RASA3: variants seen among roughly 807,000 people sequenced by gnomAD.
RASA3 encodes RAS p21 protein activator 3.
RASA3 carries 73 observed loss-of-function variants against 110.0 expected under a neutral mutation model. The observed-to-expected ratio is 0.66, with a 90% CI of 0.55 to 0.81. RASA3 has a LOEUF of 0.81. RASA3 is among the 30% of genes least tolerant of loss of function. The pLI, the probability that RASA3 is intolerant of heterozygous loss-of-function variation, is 0.00. For synonymous variants in RASA3, 500 were observed against 451.4 expected, an observed-to-expected ratio of 1.11 and a Z score of -1.37; for missense variants, 976 against 1,113.2, an observed-to-expected ratio of 0.88 and a Z score of 1.75.
At position 114,011,258 on chromosome 13, in the gene RASA3, C is replaced by T. The variant is rs191717505; in HGVS notation, c.1513-10G>A. 8.1e-6 allele frequency: 13 copies of T among 1,609,188 alleles called. No homozygotes were observed. Among genetic ancestry groups the T allele is most frequent in the African/African-American group, 2.7e-5 (2 of 74,900 alleles). On this transcript the variant is annotated splice_polypyrimidine_tract_variant and intron_variant, in intron 15 of 23. Coordinates refer to ENST00000334062, the MANE Select transcript of RASA3 (RefSeq NM_007368.4). This position sits in a 1 kb window ranked among gnomAD's most constrained non-coding sequence, Gnocchi z 4.8. ...TGGACGTCTGGGGGTCCTGGGGAGG[C>T]GGGAGCAAGAAAGGTCTATGTCAGC... is the stretch of plus-strand genomic sequence containing the variant.
rs1188428134 is a variant in RASA3 at position 114,014,004 on chromosome 13, GTC to G, written c.1406-758_1406-757del. ...TCTCTCTCTCCATCTCTCTCCGTCTGTCTCTGTCTCTCTCCATCTCTCTCTCT... is the reference window on the plus strand; with the variant it reads ...TCTCTCTCTCCATCTCTCTCCGTCTGTCTGTCTCTCTCCATCTCTCTCTCT... On this transcript the variant is annotated intron_variant, in intron 14 of 23. Coordinates refer to ENST00000334062, the MANE Select transcript of RASA3 (RefSeq NM_007368.4). This position sits in a 1 kb window ranked among gnomAD's most constrained non-coding sequence, Gnocchi z 4.5. Among the ~76,000 whole-genome samples, 20 of 86,508 alleles carry G rather than the reference GTC, an allele frequency of 2.3e-4. No homozygotes were observed. The South Asian group carries it at 2.5e-3, about 11-fold the overall frequency. 56.8% of individuals were successfully genotyped at this position (86,508 alleles called of 152,430 possible).
intron 2 of RASA3, among the ~76,000 whole-genome samples, chr13:114,054,841 G>C (rs551618262): frequency 2.0e-5 from 3 of 152,264 alleles, no homozygotes; most frequent in African/African-American, 4.8e-5. Flanking sequence ...ACACATTCTC[G>C]CGTTGGTCGT....
At chr13:114,097,139 C>T (rs2079957116) in intron 1 of RASA3, among the ~76,000 whole-genome samples, 1 of 152,338 alleles carries the variant, frequency 6.6e-6, no homozygotes, top group South Asian at 2.1e-4. Context: ...CTGAACCGAG[C>T]AGTTCTCCGC....
intron 2 of RASA3, among the ~76,000 whole-genome samples, chr13:114,062,134 G>C (rs536554388): frequency 6.6e-6 from 1 of 151,626 alleles, no homozygotes; most frequent in African/African-American, 2.4e-5. Flanking sequence ...GATTTTCCAC[G>C]ATGAGTTGAT....
At chr13:114,002,286 C>T (rs2053423051) in intron 18 of RASA3, among the ~76,000 whole-genome samples, 1 of 152,222 alleles carries the variant, frequency 6.6e-6, no homozygotes, top group African/African-American at 2.4e-5. Flanking sequence ...GCTGTGGACG[C>T]ACACCGGAGG....
At chr13:114,066,405 G>A (rs2079450584) in intron 2 of RASA3, among the ~76,000 whole-genome samples, 1 of 152,198 alleles carries the variant, frequency 6.6e-6, no homozygotes, top group Non-Finnish European at 1.5e-5. Flanking sequence ...CCGAGGAGCG[G>A]GAGGCGGCCG....
At chr13:114,052,224 C>G in intron 2 of RASA3, 69 bp from the exon 3 acceptor site, 1 of 1,046,384 alleles carries the variant, frequency 9.6e-7, no homozygotes, top group Non-Finnish European at 1.5e-6. Flanking sequence ...GGGGCACACA[C>G]GTGTGGTCTT....
chr13:113,989,686 C>T (rs566473670), intron 22 of RASA3, among the ~76,000 whole-genome samples: 81 of 151,564 alleles, frequency 5.3e-4, no homozygotes, highest in Non-Finnish European at 6.0e-4. Context: ...TCCATCCACC[C>T]GTCACTCACC....
At chr13:114,059,411 G>A (rs949759632) in intron 2 of RASA3, among the ~76,000 whole-genome samples, 1 of 152,364 alleles carries the variant, frequency 6.6e-6, no homozygotes, top group Non-Finnish European at 1.5e-5. Context: ...AAGCCAATGC[G>A]AGGAGGCGCA....
At chr13:114,029,961 G>C in intron 4 of RASA3, 74 bp from the exon 5 acceptor site, 1 of 1,407,980 alleles carries the variant, frequency 7.1e-7, no homozygotes, top group Non-Finnish European at 9.7e-7. Context: ...CGCGCCCAGG[G>C]AAAGCCTAGA....
chr13:114,060,061 A>G (rs2079311273), intron 2 of RASA3, among the ~76,000 whole-genome samples: 1 of 152,256 alleles, frequency 6.6e-6, no homozygotes, highest in South Asian at 2.1e-4. Flanking sequence ...AAGGGAACGC[A>G]TGAATGAGGC....
chr13:114,002,024 G>A (rs1008809685), intron 18 of RASA3, among the ~76,000 whole-genome samples: 3 of 152,238 alleles, frequency 2.0e-5, no homozygotes, highest in East Asian at 1.9e-4. Context: ...ACACCCTCCC[G>A]GCAGCCCAGG....
chr13:114,037,206 G>A (rs1014846598), intron 4 of RASA3, among the ~76,000 whole-genome samples: 12 of 152,288 alleles, frequency 7.9e-5, no homozygotes, highest in South Asian at 2.1e-4. Context: ...GAGATGCAAC[G>A]TCTGAGTCCT....
chr13:114,097,921 C>T (rs139891959), intron 1 of RASA3, among the ~76,000 whole-genome samples: 83 of 152,286 alleles, frequency 5.5e-4, no homozygotes, highest in Non-Finnish European at 8.5e-4. Flanking sequence ...TGCAGACGGC[C>T]GGGGCCCCAC....
At chr13:114,104,574 C>T (rs2080108405) in intron 1 of RASA3, among the ~76,000 whole-genome samples, 1 of 152,192 alleles carries the variant, frequency 6.6e-6, no homozygotes, top group South Asian at 2.1e-4. Flanking sequence ...GCATCCGATG[C>T]CCTCCTAGTG....
At chr13:113,992,110 G>C (rs970486898) in intron 22 of RASA3, among the ~76,000 whole-genome samples, 13 of 152,162 alleles carry the variant, frequency 8.5e-5, no homozygotes, top group African/African-American at 2.9e-4. Flanking sequence ...CTACACATAT[G>C]CACACATCTC....
chr13:114,100,188 G>A (rs530015484), intron 1 of RASA3, among the ~76,000 whole-genome samples: 3 of 151,678 alleles, frequency 2.0e-5, no homozygotes, highest in South Asian at 4.2e-4. Context: ...CGCAGGAGAC[G>A]CAGCTCTGAC....
chr13:114,044,583 G>A (rs111328415), intron 3 of RASA3, among the ~76,000 whole-genome samples: 10 of 130,190 alleles, frequency 7.7e-5, no homozygotes, highest in African/African-American at 3.1e-4. Context: ...TGACTTCAAG[G>A]GTCCGGAGTG....
In RASA3 at chr13:114,011,370, G is replaced by A. The variant is rs942581148; in HGVS notation, c.1513-122C>T. ...CTGCTGTGGCTTGTGCATGAGCTACGGAGAAACAGGGGTAGCGACGCAGAT... is the reference window on the plus strand; with the variant it reads ...CTGCTGTGGCTTGTGCATGAGCTACAGAGAAACAGGGGTAGCGACGCAGAT... On this transcript the variant is annotated intron_variant, in intron 15 of 23. Transcript: ENST00000334062. This position sits in a 1 kb window ranked among gnomAD's most constrained non-coding sequence, Gnocchi z 4.8. 1.9e-5 allele frequency: 16 copies of A among 843,046 alleles called. No individual in the cohort carries two copies. The highest frequency in any genetic ancestry group is 2.6e-5 in the East Asian group (1 of 38,676). 52.2% of individuals were successfully genotyped at this position (843,046 alleles called of 1,614,324 possible). A position where few individuals can be genotyped will look rare whatever the true frequency, so the allele number is the denominator to read the frequency against.
Sources: allele counts gnomAD v4.1 joint callset (sites outside exome capture counted in the v4.1 genomes callset), GRCh38; gene constraint gnomAD v4.1.1; non-coding constraint Gnocchi (gnomAD v3.1); transcripts MANE v1.5; gene names NCBI Gene and HGNC (gene_info 2026-07-23, HGNC 2026-07-21).